The following CSMD1 variants were observed in gnomAD, a reference collection of about 807,000 sequenced individuals.
The protein encoded by CSMD1 is CUB and Sushi multiple domains 1.
In CSMD1, 213 loss-of-function variants were observed where a neutral mutation model predicts 417.5. That is an observed-to-expected ratio of 0.51 (90% CI 0.46 to 0.57). CSMD1 has a LOEUF of 0.57. Among genes scored for constraint, CSMD1 ranks in the 20% least tolerant of loss-of-function variants. CSMD1 has a pLI of 0.00. For synonymous variants in CSMD1, 2,862 were observed against 1,736.8 expected, an observed-to-expected ratio of 1.65 and a Z score of -16.11; for missense variants, 6,923 against 4,529.7, an observed-to-expected ratio of 1.53 and a Z score of -15.17.
intron 4 of CSMD1, among the ~76,000 whole-genome samples, chr8:4,002,119 A>G (rs1815729263): frequency 6.6e-6 from 1 of 152,170 alleles, no homozygotes; most frequent in African/African-American, 2.4e-5. Context: ...AAACAAAAAA[A>G]CTTCATGGTA....
chr8:3,429,881 A>G (rs1017989323), intron 12 of CSMD1, among the ~76,000 whole-genome samples: 2 of 152,184 alleles, frequency 1.3e-5, no homozygotes, highest in Non-Finnish European at 1.5e-5. Context: ...TTGGTCACAT[A>G]AACTGTGCAC....
intron 3 of CSMD1, among the ~76,000 whole-genome samples, chr8:4,211,657 T>C (rs1800321055): frequency 1.3e-5 from 2 of 152,356 alleles, no homozygotes; most frequent in Non-Finnish European, 2.9e-5. Flanking sequence ...TCTGTAAATA[T>C]GGCAGTATCC....
At chr8:4,511,732 A>C (rs937233116) in intron 2 of CSMD1, among the ~76,000 whole-genome samples, 6 of 152,170 alleles carry the variant, frequency 3.9e-5, no homozygotes, top group Admixed American at 1.3e-4. Context: ...GTGTTCCCCA[A>C]GAGAACTCAG....
intron 12 of CSMD1, among the ~76,000 whole-genome samples, chr8:3,433,206 G>A (rs577152295): frequency 6.6e-6 from 1 of 152,298 alleles, no homozygotes; most frequent in South Asian, 2.1e-4. Flanking sequence ...CAACTTTTGT[G>A]GAACTACAGT....
At chr8:4,342,504 GT>G (rs1800537353) in intron 3 of CSMD1, among the ~76,000 whole-genome samples, 1 of 151,944 alleles carries the variant, frequency 6.6e-6, no homozygotes, top group African/African-American at 2.4e-5. Context: ...GCCAGGGTAG[GT>G]TTCATTCCGA....
intron 3 of CSMD1, among the ~76,000 whole-genome samples, chr8:4,200,325 G>A (rs1275592020): frequency 6.6e-6 from 1 of 151,970 alleles, no homozygotes; most frequent in Non-Finnish European, 1.5e-5. Context: ...CTTAGATATG[G>A]TATGCTGTGT....
intron 12 of CSMD1, among the ~76,000 whole-genome samples, chr8:3,449,877 T>A (rs1036835503): frequency 2.0e-4 from 31 of 152,158 alleles, no homozygotes; most frequent in Non-Finnish European, 1.5e-5. Flanking sequence ...CGTTGTAAAG[T>A]TTCTAATTAT....
At position 3,708,418 on chromosome 8, in the gene CSMD1, A is replaced by G. The variant is rs557864661; in HGVS notation, c.1005T>C (p.Ser335=). Residue 335 remains serine, a synonymous_variant, in exon 7 of 70, where the codon TCT becomes TCC. Transcript: ENST00000635120. ...LPSKDGSHKN[S]VLSQGGVALV... ...ATAGAAAGGAAAGGGACTCACAGAC[A>G]GAGTTTTTATGGCTTCCATCCTTGC... 1.9e-5 allele frequency: 30 copies of G among 1,613,732 alleles called. No individual in the cohort carries two copies. In the African/African-American group the frequency reaches 2.8e-4, roughly 15 times the overall value.
intron 22 of CSMD1, among the ~76,000 whole-genome samples, chr8:3,344,730 C>A (rs749606949): frequency 1.3e-5 from 2 of 152,078 alleles, no homozygotes; most frequent in Non-Finnish European, 2.9e-5. Context: ...ATTAATTTTT[C>A]TTTCATTGTC....
At chr8:4,372,365 CA>C (rs1229745318) in intron 3 of CSMD1, among the ~76,000 whole-genome samples, 1 of 152,134 alleles carries the variant, frequency 6.6e-6, no homozygotes, top group Non-Finnish European at 1.5e-5. Flanking sequence ...TTTCCTTCCA[CA>C]TGCTGTTTTC....
chr8:3,707,087 G>A (rs1341525326), intron 7 of CSMD1, among the ~76,000 whole-genome samples: 1 of 152,036 alleles, frequency 6.6e-6, no homozygotes, highest in Non-Finnish European at 1.5e-5. Flanking sequence ...CAGGGGACAT[G>A]TTTACCTCTC....
At chr8:3,787,665 T>A (rs1356730879) in intron 5 of CSMD1, among the ~76,000 whole-genome samples, 1 of 152,192 alleles carries the variant, frequency 6.6e-6, no homozygotes. Context: ...TAATATAATT[T>A]AGTATTGTTT....
chr8:4,788,116 T>C lies in CSMD1; in HGVS notation c.86-150558A>G, dbSNP rs1797507247. 7 of 1,603,338 alleles carry C rather than the reference T, an allele frequency of 4.4e-6. No individual in the cohort carries two copies. In the South Asian group the frequency reaches 7.8e-5, roughly 18 times the overall value. On this transcript the variant is annotated intron_variant, in intron 1 of 69. Coordinates refer to ENST00000635120, the MANE Select transcript of CSMD1 (RefSeq NM_033225.6). Reference sequence around the variant, plus strand: ...AAATCAGAAAGTCAGTGCAGGGTTGTAGTGTTGATGGGCTCTACTTCTGAT... The same window carrying C: ...AAATCAGAAAGTCAGTGCAGGGTTGCAGTGTTGATGGGCTCTACTTCTGAT...
chr8:3,055,726 T>C (rs7818200), intron 49 of CSMD1, among the ~76,000 whole-genome samples: 110,142 of 152,162 alleles, frequency 0.72, 40,250 homozygotes, highest in East Asian at 0.78. Flanking sequence ...TAAGGTATTA[T>C]TATATGTCCC....
At chr8:3,846,961 C>A (rs1025558106) in intron 5 of CSMD1, among the ~76,000 whole-genome samples, 1 of 152,174 alleles carries the variant, frequency 6.6e-6, no homozygotes, top group Non-Finnish European at 1.5e-5. Flanking sequence ...AGCCGTGAGC[C>A]ACTGCGCCTG....
chr8:3,772,533 A>G (rs1181449697), intron 5 of CSMD1, among the ~76,000 whole-genome samples: 1 of 31,562 alleles, frequency 3.2e-5, no homozygotes, highest in Non-Finnish European at 8.5e-5. Flanking sequence ...ACACATATAT[A>G]CATATATACA....
chr8:3,600,989 C>A (rs375503176), intron 8 of CSMD1, among the ~76,000 whole-genome samples: 1 of 152,164 alleles, frequency 6.6e-6, no homozygotes, highest in Admixed American at 6.5e-5. Flanking sequence ...CCAAGGGGGT[C>A]TCTGTACTAA....
chr8:4,323,862 G>A (rs914202240), intron 3 of CSMD1, among the ~76,000 whole-genome samples: 1 of 152,094 alleles, frequency 6.6e-6, no homozygotes, highest in African/African-American at 2.4e-5. Flanking sequence ...TTTAGCTTAA[G>A]GCAACTTCTA....
chr8:3,076,232 T>C (rs998770688), intron 49 of CSMD1, among the ~76,000 whole-genome samples: 1 of 113,386 alleles, frequency 8.8e-6, no homozygotes. Context: ...CCTGACCCTA[T>C]CTCCTTTGTG....
Sources: gnomAD v4.1 joint callset for allele counts (sites outside exome capture counted in the v4.1 genomes callset) on GRCh38, gnomAD v4.1.1 for gene constraint, MANE v1.5 for transcripts, NCBI Gene and HGNC (gene_info 2026-07-23, HGNC 2026-07-21) for gene names.